GRIP1: variants seen among roughly 807,000 people sequenced by gnomAD.
GRIP1 encodes the protein glutamate receptor-interacting protein 1.
Under a neutral mutation model 129.9 loss-of-function variants are expected in GRIP1, and 45 were observed. That is an observed-to-expected ratio of 0.35 (90% CI 0.27 to 0.44). The LOEUF (loss-of-function observed/expected upper bound fraction) is 0.44. GRIP1 is among the 20% of genes least tolerant of loss of function. The probability of loss-of-function intolerance (pLI) is 1.00; values close to 1 mark genes in which losing one functional copy is unlikely to be tolerated. For missense variants in GRIP1, 1,196 were observed against 1,396.8 expected, an observed-to-expected ratio of 0.86 and a Z score of 2.29; for synonymous variants, 530 against 520.8, an observed-to-expected ratio of 1.02 and a Z score of -0.24.
At chr12:66,938,373 CAATAATAAT>C (rs1264062659) in intron 1 of GRIP1, among the ~76,000 whole-genome samples, 1 of 151,902 alleles carries the variant, frequency 6.6e-6, no homozygotes, top group Non-Finnish European at 1.5e-5. Context: ...GACTCCGTTT[CAATAATAAT>C]AATAATGATA....
intron 1 of GRIP1, among the ~76,000 whole-genome samples, chr12:67,056,971 T>C: frequency 6.6e-6 from 1 of 152,170 alleles, no homozygotes; most frequent in South Asian, 2.1e-4. Flanking sequence ...ACACCACGCC[T>C]GGCTAATTTT....
rs950178789 is a variant in GRIP1, at chr12:66,558,419, G to A, written c.137-16469C>T. Among the ~76,000 whole-genome samples, 19 of 152,220 alleles carry A rather than the reference G, an allele frequency of 1.2e-4. No homozygotes were observed. The South Asian group carries it at 2.1e-3, about 17-fold the overall frequency. Reference sequence around the variant, plus strand: ...AGAACAGTATGGGGAAAACACCCCCGTGATTCAATTATCTCCCACTGGGTC... The same window carrying A: ...AGAACAGTATGGGGAAAACACCCCCATGATTCAATTATCTCCCACTGGGTC... On this transcript the variant is annotated intron_variant, in intron 2 of 24. Transcript: ENST00000359742.
At chr12:66,946,760 G>A (rs1354816832) in intron 1 of GRIP1, among the ~76,000 whole-genome samples, 5 of 115,518 alleles carry the variant, frequency 4.3e-5, no homozygotes, top group Admixed American at 7.9e-5. Context: ...GGGAGGCAGC[G>A]GGGGTCGGGG....
At chr12:66,641,479 G>A (rs553205857) in intron 1 of GRIP1, among the ~76,000 whole-genome samples, 1 of 152,298 alleles carries the variant, frequency 6.6e-6, no homozygotes, top group African/African-American at 2.4e-5. Flanking sequence ...AACTTTCAGA[G>A]ATAAAAGTTG....
intron 1 of GRIP1, among the ~76,000 whole-genome samples, chr12:66,628,959 C>A (rs1170517198): frequency 3.3e-5 from 5 of 152,204 alleles, no homozygotes; most frequent in Non-Finnish European, 7.3e-5. Flanking sequence ...CATTGTACTT[C>A]CACACACTCA....
intron 1 of GRIP1, among the ~76,000 whole-genome samples, chr12:66,755,589 TCCA>T (rs759399568): frequency 5.9e-5 from 9 of 152,216 alleles, no homozygotes; most frequent in Non-Finnish European, 1.3e-4. Flanking sequence ...GAACTAAGTT[TCCA>T]CCACCAGCGT....
intron 1 of GRIP1, among the ~76,000 whole-genome samples, chr12:66,659,075 C>T (rs567614076): frequency 3.9e-5 from 6 of 152,326 alleles, no homozygotes; most frequent in African/African-American, 1.2e-4. Flanking sequence ...TTCATTCCTG[C>T]TGCATGGCTT....
chr12:66,531,095 C>T (rs989138551), intron 4 of GRIP1, among the ~76,000 whole-genome samples: 2 of 151,450 alleles, frequency 1.3e-5, no homozygotes, highest in African/African-American at 2.4e-5. Context: ...ATCAGCTGGG[C>T]GTGGTGGAAG....
intron 22 of GRIP1, among the ~76,000 whole-genome samples, chr12:66,374,786 G>A (rs985992702): frequency 3.9e-5 from 6 of 152,014 alleles, no homozygotes; most frequent in Non-Finnish European, 7.4e-5. Flanking sequence ...TCTTTGGTTC[G>A]CATTTTCAGG....
chr12:66,620,729 C>G (rs563334355), intron 1 of GRIP1, among the ~76,000 whole-genome samples: 1 of 151,914 alleles, frequency 6.6e-6, no homozygotes, highest in East Asian at 1.9e-4. Context: ...TTTTCTCCCT[C>G]TCGCTCTCTT....
At chr12:67,063,130 A>C (rs1005312335) in intron 1 of GRIP1, among the ~76,000 whole-genome samples, 4 of 152,216 alleles carry the variant, frequency 2.6e-5, no homozygotes, top group Admixed American at 2.6e-4. Flanking sequence ...CAAGGGCTTT[A>C]AAAAGTTAAA....
intron 2 of GRIP1, among the ~76,000 whole-genome samples, chr12:66,551,070 C>G (rs546346080): frequency 1.1e-4 from 17 of 152,306 alleles, no homozygotes; most frequent in Non-Finnish European, 2.5e-4. Flanking sequence ...ATTGGCATGG[C>G]TATCTTTGAA....
At chr12:67,007,365 T>C (rs946058652) in intron 1 of GRIP1, among the ~76,000 whole-genome samples, 2 of 152,186 alleles carry the variant, frequency 1.3e-5, no homozygotes, top group African/African-American at 4.8e-5. Flanking sequence ...AAAAGTAATA[T>C]CCACAATATG....
At position 66,690,266 on chromosome 12, in the gene GRIP1, T is replaced by C. The variant is rs2034934501; in HGVS notation, c.-419-59930A>G. On this transcript the variant is annotated intron_variant, in intron 1 of 4. Transcript: ENST00000538373. The stretch of plus-strand genomic sequence containing the variant: ...CACATATAAGTGAGATCATATAATA[T>C]TGGTCTTTCTGTGTCTGGCTTATTT... 1.3e-5 allele frequency among the ~76,000 whole-genome samples: 2 copies of C among 152,084 alleles called. 1 individual carries two copies. The highest frequency in any genetic ancestry group is 4.1e-4 in the South Asian group (2 of 4,832).
chr12:66,715,304 T>TC lies in GRIP1; in HGVS notation c.-419-84969dup, dbSNP rs552564135. On this transcript the variant is annotated intron_variant, in intron 1 of 4. Coordinates refer to the GRIP1 transcript ENST00000538373. ...GTGCTTTCTGGAGCCTGTCTCATGGTCCTGCTCTCCCCAGACAGTGCTCAT... is the reference window on the plus strand; with the variant it reads ...GTGCTTTCTGGAGCCTGTCTCATGGTCCCTGCTCTCCCCAGACAGTGCTCAT... 3.2e-4 allele frequency among the ~76,000 whole-genome samples: 49 copies of TC among 152,108 alleles called. No individual in the cohort carries two copies. In the South Asian group the frequency reaches 1.0e-2, roughly 31 times the overall value.
upstream of GRIP1, among the ~76,000 whole-genome samples, chr12:66,809,042 G>A (rs1354185567): frequency 3.9e-5 from 6 of 152,348 alleles, no homozygotes; most frequent in Middle Eastern, 3.4e-3. Flanking sequence ...TCGTTCACAT[G>A]AGAAAATAAA....
intron 1 of GRIP1, among the ~76,000 whole-genome samples, chr12:66,991,092 G>A (rs1461887891): frequency 6.6e-6 from 1 of 151,898 alleles, no homozygotes; most frequent in Non-Finnish European, 1.5e-5. Context: ...CTAACAGGGT[G>A]AAATCCCGTC....
chr12:67,020,425 A>G (rs1026031389), intron 1 of GRIP1, among the ~76,000 whole-genome samples: 6 of 152,210 alleles, frequency 3.9e-5, no homozygotes, highest in African/African-American at 1.2e-4. Flanking sequence ...TCATTCATTC[A>G]GAGACAAGGT....
chr12:66,937,178 T>A (rs1478273604), intron 1 of GRIP1, among the ~76,000 whole-genome samples: 2 of 152,174 alleles, frequency 1.3e-5, no homozygotes, highest in African/African-American at 4.8e-5. Flanking sequence ...CTGCCTAACT[T>A]CCTCCAGTGC....
Sources: gnomAD v4.1 joint callset for allele counts (sites outside exome capture counted in the v4.1 genomes callset) on GRCh38, gnomAD v4.1.1 for gene constraint, MANE v1.5 for transcripts, NCBI Gene and HGNC (gene_info 2026-07-23, HGNC 2026-07-21) for gene names.